Variants in SCAF8 observed in about 807,000 individuals in gnomAD.
SCAF8 encodes the protein SR-related and CTD-associated factor 8.
SCAF8 carries 23 observed loss-of-function variants against 140.5 expected under a neutral mutation model. That is an observed-to-expected ratio of 0.16 (90% CI 0.12 to 0.23). The LOEUF is 0.23. Ranked by LOEUF, SCAF8 falls within the 10% of genes least tolerant of loss-of-function variation. The probability of loss-of-function intolerance (pLI) is 1.00; values close to 1 mark genes in which losing one functional copy is unlikely to be tolerated. For synonymous variants in SCAF8, 575 were observed against 528.9 expected (o/e 1.09, Z -1.20); for missense variants, 1,397 against 1,555.7 (o/e 0.90, Z 1.72).
At chr6:154,799,218 T>TC (rs992347293) in intron 6 of SCAF8, among the ~76,000 whole-genome samples, 3 of 150,974 alleles carry the variant, frequency 2.0e-5, no homozygotes, top group African/African-American at 7.3e-5. Context: ...CCTCAGGCGA[T>TC]CCCCCCACGT....
chr6:154,827,520 A>G (rs2114689664), intron 18 of SCAF8, among the ~76,000 whole-genome samples: 1 of 152,264 alleles, frequency 6.6e-6, no homozygotes, highest in East Asian at 1.9e-4. Flanking sequence ...AAATGTCTTA[A>G]TGTTAGTGCA....
intron 18 of SCAF8, among the ~76,000 whole-genome samples, chr6:154,829,541 G>T (rs893284493): frequency 6.6e-6 from 1 of 152,076 alleles, no homozygotes; most frequent in Non-Finnish European, 1.5e-5. Context: ...ATATATAAAG[G>T]TTTTAACTTT....
intron 13 of SCAF8, among the ~76,000 whole-genome samples, chr6:154,817,230 C>A (rs1778279848): frequency 6.6e-6 from 1 of 152,184 alleles, no homozygotes; most frequent in African/African-American, 2.4e-5. Context: ...CAAAGTGTCA[C>A]AGCTGCATAG....
intron 1 of SCAF8, among the ~76,000 whole-genome samples, chr6:154,756,089 A>G (rs968014772): frequency 6.6e-6 from 1 of 152,080 alleles, no homozygotes; most frequent in Non-Finnish European, 1.5e-5. Context: ...CTCCCCCAGT[A>G]TTTTTATTTT....
chr6:154,778,137 T>C (rs1422858449), intron 3 of SCAF8, 92 bp downstream of exon 3: 3 of 684,508 alleles, frequency 4.4e-6, no homozygotes, highest in African/African-American at 3.7e-5. Flanking sequence ...TTAAATTGTT[T>C]TGATGGACTG....
At chr6:154,808,324 T>C (rs1156740609) in intron 10 of SCAF8, 123 bp downstream of exon 10, 1 of 1,019,586 alleles carries the variant, frequency 9.8e-7, no homozygotes, top group Non-Finnish European at 1.4e-6. Flanking sequence ...TTTGTAATTG[T>C]TTCACCTATT....
rs756479344 is a variant in SCAF8 at position 154,793,079 on chromosome 6, A to G, written c.475+103A>G. The G allele has an allele frequency of 2.6e-5, 20 of 759,684 alleles. No homozygotes were observed. The East Asian group carries it at 4.0e-4, about 15-fold the overall frequency. 47.1% of individuals were successfully genotyped at this position (759,684 alleles called of 1,614,324 possible). A position where few individuals can be genotyped will look rare whatever the true frequency, so the allele number is the denominator to read the frequency against. ...TTCGACAGTGCAGGAAAATTTGTCC[A>G]GCATTACATAATTGAAAGAAAATAT... On this transcript the variant is annotated intron_variant, in intron 5 of 19. Coordinates refer to ENST00000367178, the MANE Select transcript of SCAF8 (RefSeq NM_014892.5).
chr6:154,818,449 A>G lies in SCAF8; in HGVS notation c.1522-30A>G, dbSNP rs768082126. 8.0e-6 allele frequency: 10 copies of G among 1,253,858 alleles called. No individual in the cohort carries two copies. In the Admixed American group the frequency reaches 9.9e-5, roughly 12 times the overall value. 77.7% of individuals were successfully genotyped at this position (1,253,858 alleles called of 1,614,324 possible). On this transcript the variant is annotated intron_variant, in intron 13 of 19. Coordinates refer to ENST00000367178, the MANE Select transcript of SCAF8 (RefSeq NM_014892.5). ...TACCAGAATGAGTTTCTGTTCTTAT[A>G]CCTTTTCTTAAAACAATTTTTTTTA...
At chr6:154,819,925 A>G (rs1778363433) in intron 14 of SCAF8, among the ~76,000 whole-genome samples, 1 of 149,676 alleles carries the variant, frequency 6.7e-6, no homozygotes, top group Admixed American at 6.7e-5. Context: ...CCGGAAGGTC[A>G]AGGCAGTGAA....
chr6:154,750,587 TTAAG>T (rs371494872), intron 1 of SCAF8, among the ~76,000 whole-genome samples: 25 of 152,356 alleles, frequency 1.6e-4, no homozygotes, highest in African/African-American at 5.5e-4. Context: ...TAATTAAAAC[TTAAG>T]TAGTAAATTG....
intron 1 of SCAF8, among the ~76,000 whole-genome samples, chr6:154,735,787 T>G (rs989357322): frequency 3.9e-5 from 6 of 152,118 alleles, no homozygotes; most frequent in South Asian, 2.1e-4. Context: ...GTGCTGAGAT[T>G]ATGGGCGTGT....
chr6:154,818,540 C>G lies in SCAF8; in HGVS notation c.1583C>G (p.Ala528Gly). The G allele has an allele frequency of 6.2e-7, 1 of 1,609,184 alleles. No individual in the cohort carries two copies. The highest frequency in any genetic ancestry group is 1.3e-5 in the African/African-American group (1 of 74,702). ...CMVHRQDAFR[A>G]LQKLSSGSYK... ...GTTCATCGACAAGATGCATTTCGAG[C>G]TCTTCAGAAACTCAGTTCTGGATCA... The change falls in exon 14 of 20, where the codon GCT becomes GGT. Residue 528 changes from alanine (A) to glycine (G), a missense_variant. Ala to Gly is a moderately conservative substitution (Grantham distance 60, BLOSUM62 0). Around this residue, in one of 5 missense-constraint regions of SCAF8, gnomAD observed 59 missense variants for 110.7 expected, o/e 0.53. Coordinates refer to ENST00000367178, the MANE Select transcript of SCAF8 (RefSeq NM_014892.5).
In SCAF8 at chr6:154,832,938, G is replaced by A; in HGVS notation, c.3359G>A (p.Arg1120Lys). 3 of 1,614,122 alleles carry A rather than the reference G, an allele frequency of 1.9e-6. 1 individual carries two copies. The South Asian group carries it at 3.3e-5, about 18-fold the overall frequency. ...GGTCCAAAAGGCTTACATGAAGAAAGAGGTAGATTTCGGTCTGGAAACTAT... is the reference window on the plus strand; with the variant it reads ...GGTCCAAAAGGCTTACATGAAGAAAAAGGTAGATTTCGGTCTGGAAACTAT... Reference protein sequence around the residue: ...YGGPKGLHEERGRFRSGNYRF... With the variant: ...YGGPKGLHEEKGRFRSGNYRF... The change falls in exon 20 of 20, where the codon AGA becomes AAA. Residue 1120 changes from arginine to lysine, a missense_variant. Coordinates refer to ENST00000367178, the MANE Select transcript of SCAF8 (RefSeq NM_014892.5).
chr6:154,789,881 T>A (rs1263421654), intron 4 of SCAF8, among the ~76,000 whole-genome samples: 1 of 152,198 alleles, frequency 6.6e-6, no homozygotes, highest in Admixed American at 6.5e-5. Context: ...CATAATTGAT[T>A]TTTAAAATAG....
At chr6:154,809,708 T>G (rs1583055733) in intron 11 of SCAF8, among the ~76,000 whole-genome samples, 1 of 152,324 alleles carries the variant, frequency 6.6e-6, no homozygotes, top group African/African-American at 2.4e-5. Context: ...CTTTCATTCC[T>G]GTTCTTCTGT....
At chr6:154,800,917 A>G (rs1032868378) in intron 6 of SCAF8, among the ~76,000 whole-genome samples, 1 of 151,512 alleles carries the variant, frequency 6.6e-6, no homozygotes, top group African/African-American at 2.4e-5. Flanking sequence ...ATTAAAATAA[A>G]TATTTTTGAC....
intron 1 of SCAF8, among the ~76,000 whole-genome samples, chr6:154,754,345 C>T (rs1778912835): frequency 6.6e-6 from 1 of 152,158 alleles, no homozygotes; most frequent in Admixed American, 6.5e-5. Flanking sequence ...AATGGTGTGT[C>T]ACCACAGTCA....
intron 18 of SCAF8, among the ~76,000 whole-genome samples, chr6:154,828,775 A>G (rs990153590): frequency 2.0e-5 from 3 of 152,188 alleles, no homozygotes; most frequent in Non-Finnish European, 4.4e-5. Flanking sequence ...TTTAGTGGAC[A>G]AAACTAGAAA....
At chr6:154,735,519 C>CTT (rs11406318) in intron 1 of SCAF8, among the ~76,000 whole-genome samples, 22,408 of 135,448 alleles carry the variant, frequency 0.17, 2,312 homozygotes, top group African/African-American at 0.26. Flanking sequence ...TGGGAATCTT[C>CTT]TTTTTTTTTT....
Sources: allele counts gnomAD v4.1 joint callset (sites outside exome capture counted in the v4.1 genomes callset), GRCh38; gene constraint gnomAD v4.1.1; regional missense constraint gnomAD v4.1.1; transcripts MANE v1.5; gene names NCBI Gene and HGNC (gene_info 2026-07-23, HGNC 2026-07-21).